The following PALB2 variants were observed in gnomAD, a reference collection of about 807,000 sequenced individuals.
The protein encoded by PALB2 is mutant partner and localizer of BRCA2.
In PALB2, 82 loss-of-function variants were observed where a neutral mutation model predicts 107.4. The ratio of observed to expected loss-of-function variants is 0.76; its 90% CI spans 0.64 to 0.92. The LOEUF is 0.92. Ranked by LOEUF, PALB2 falls within the 40% of genes least tolerant of loss-of-function variation. PALB2 has a pLI of 0.00. For missense variants in PALB2, 1,374 were observed against 1,379.9 expected, an observed-to-expected ratio of 1.00 and a Z score of 0.07; for synonymous variants, 489 against 496.8, an observed-to-expected ratio of 0.98 and a Z score of 0.21.
At position 23,635,956 on chromosome 16, in the gene PALB2, G is replaced by A. The variant is rs367945485; in HGVS notation, c.590C>T (p.Thr197Ile). 1 of 1,614,018 alleles carries A rather than the reference G, an allele frequency of 6.2e-7. No homozygotes were observed. The highest frequency in any genetic ancestry group is 1.3e-5 in the African/African-American group (1 of 74,916). Reference protein sequence around the residue: ...PARSPVTEIRTHLLSLKSELP... With the variant: ...PARSPVTEIRIHLLSLKSELP... ...TTCAGATTTAAGACTTAAAAGGTGA[G>A]TTCTTATTTCAGTTACTGGTGATCT... The change falls in exon 4 of 13, where the codon ACT becomes ATT. Residue 197 changes from threonine to isoleucine, a missense_variant. By Grantham distance (89) the Thr-to-Ile change is moderately conservative. Coordinates refer to ENST00000261584, the MANE Select transcript of PALB2 (RefSeq NM_024675.4).
In PALB2 at chr16:23,630,246, C is replaced by T. The variant is rs1392612467; in HGVS notation, c.1908G>A (p.Glu636=). The T allele has an allele frequency of 6.2e-7, 1 of 1,614,038 alleles. No homozygotes were observed. ...CTCCAAACATTTTTGACTCAAAGGG[C>T]TCCACTGGTTTTTCTGAGCAGGACT... ...KVKSCSEKPV[E]PFESKMFGER... The change falls in exon 5 of 13, where the codon GAG becomes GAA. Residue 636 remains glutamate, a synonymous_variant. Transcript: ENST00000261584.
intron 6 of PALB2, among the ~76,000 whole-genome samples, chr16:23,628,743 C>T (rs1312824506): frequency 1.3e-5 from 2 of 152,200 alleles, no homozygotes; most frequent in Non-Finnish European, 2.9e-5. Context: ...CAAGTATTCT[C>T]TTCCCTCAGC....
At chr16:23,626,130 C>T in intron 7 of PALB2, 106 bp downstream of exon 7, 3 of 1,307,394 alleles carry the variant, frequency 2.3e-6, no homozygotes, top group Non-Finnish European at 1.1e-6. Flanking sequence ...AACCTCATCT[C>T]TGTTCTGCCT....
At chr16:23,632,331 C>T (rs545601750) in intron 4 of PALB2, among the ~76,000 whole-genome samples, 2 of 152,182 alleles carry the variant, frequency 1.3e-5, no homozygotes, top group South Asian at 2.1e-4. Context: ...GTAATCTCAG[C>T]TACTCAGGAG....
At position 23,629,632 on chromosome 16, in the gene PALB2, G is replaced by A. The variant is rs1060504706; in HGVS notation, c.2514+8C>T. 5.0e-6 allele frequency: 8 copies of A among 1,612,526 alleles called. No homozygotes were observed. Among genetic ancestry groups the A allele is most frequent in the African/African-American group, 1.3e-5 (1 of 74,904 alleles). On this transcript the variant is annotated splice_region_variant and intron_variant, in intron 5 of 12. Coordinates refer to ENST00000261584, the MANE Select transcript of PALB2 (RefSeq NM_024675.4). ...CAGAGAAAATTTCACAGAGGAAATG[G>A]ATTGTACCTGTTCGACGGAATGTTT...
chr16:23,608,122 C>G, intron 11 of PALB2, 110 bp from the exon 12 acceptor site: 1 of 1,179,136 alleles, frequency 8.5e-7, no homozygotes, highest in South Asian at 1.3e-5. Flanking sequence ...GACCGATAGG[C>G]TCTGAAGTAT....
chr16:23,636,375 T>C, intron 3 of PALB2, 41 bp from the exon 4 acceptor site: 3 of 1,362,558 alleles, frequency 2.2e-6, no homozygotes, highest in African/African-American at 1.5e-5. Context: ...ATTTTTCTTA[T>C]AAAATAAAAC....
Position 23,608,038 on chromosome 16 carries a change from C to A in PALB2, c.3202-26G>T, listed in dbSNP as rs750715056. On this transcript the variant is annotated intron_variant, in intron 11 of 12. Coordinates refer to ENST00000261584, the MANE Select transcript of PALB2 (RefSeq NM_024675.4). The stretch of plus-strand genomic sequence containing the variant: ...CTAATTTCGGAGAAAAATAAATATC[C>A]CAAATAGACTGTCAAGAGTATGTCA... 3 of 1,606,632 alleles carry A rather than the reference C, an allele frequency of 1.9e-6. No individual in the cohort carries two copies. In the East Asian group the frequency reaches 6.7e-5, roughly 36 times the overall value.
At chr16:23,631,701 G>A (rs1966879415) in intron 4 of PALB2, among the ~76,000 whole-genome samples, 3 of 152,148 alleles carry the variant, frequency 2.0e-5, no homozygotes, top group Non-Finnish European at 4.4e-5. Context: ...TCTCATAAGG[G>A]AAATGAACTA....
In PALB2 at chr16:23,621,490, A is replaced by G; in HGVS notation, c.2997-12T>C. On this transcript the variant is annotated splice_polypyrimidine_tract_variant and intron_variant, in intron 9 of 12. Transcript: ENST00000261584. Reference sequence around the variant, plus strand: ...GGTTTTCTTTGCCTCTGTAATTAAAACAGTATGAAAAGTCAGTACTTTGCA... The same window carrying G: ...GGTTTTCTTTGCCTCTGTAATTAAAGCAGTATGAAAAGTCAGTACTTTGCA... 1 of 1,552,226 alleles carries G rather than the reference A, an allele frequency of 6.4e-7. No individual in the cohort carries two copies. The highest frequency in any genetic ancestry group is 1.1e-5 in the South Asian group (1 of 89,734).
At chr16:23,610,988 G>A (rs1016994059) in intron 11 of PALB2, among the ~76,000 whole-genome samples, 6 of 151,738 alleles carry the variant, frequency 4.0e-5, no homozygotes, top group African/African-American at 9.7e-5. Context: ...GCAGTGAGCC[G>A]ACATCACACC....
intron 9 of PALB2, among the ~76,000 whole-genome samples, chr16:23,622,353 G>A (rs891579396): frequency 3.9e-5 from 6 of 151,924 alleles, no homozygotes; most frequent in African/African-American, 1.5e-4. Flanking sequence ...AAAGGGTCTA[G>A]GACCTTAAGG....
At chr16:23,626,098 C>G in intron 7 of PALB2, 138 bp downstream of exon 7, 2 of 1,003,964 alleles carry the variant, frequency 2.0e-6, no homozygotes, top group South Asian at 2.8e-5. Flanking sequence ...TGAAACTTTT[C>G]ATAATAAAAT....
Position 23,635,536 on chromosome 16 carries a change from A to C in PALB2, c.1010T>G (p.Leu337Ter), listed in dbSNP as rs45494092. 1.2e-6 allele frequency: 2 copies of C among 1,613,486 alleles called. No homozygotes were observed. The highest frequency in any genetic ancestry group is 1.7e-6 in the Non-Finnish European group (2 of 1,179,778). The part of the protein sequence containing the change: ...CSLNELTYNN[L>*]PANENQNLKE... ...TAAGTTTTGGTTTTCATTTGCTGGT[A>C]AGTTATTGTAGGTGAGTTCATTTAG... The change falls in exon 4 of 13, where the codon TTA (leucine) becomes TGA (stop). Residue 337 changes from leucine (L) to a stop codon, truncating the protein, a stop_gained. Coordinates refer to ENST00000261584, the MANE Select transcript of PALB2 (RefSeq NM_024675.4). LOFTEE classifies it high-confidence loss of function.
Position 23,629,995 on chromosome 16 carries a change from G to A in PALB2, c.2159C>T (p.Thr720Ile), listed in dbSNP as rs995374537. Residue 720 changes from threonine (T) to isoleucine (I), a missense_variant, in exon 5 of 13, where the codon ACC becomes ATC. Transcript: ENST00000261584. The part of the protein sequence containing the change: ...TVAPDDNDRP[T>I]TDMCSPAFPI... ...GAAAGCAGGTGAACACATGTCTGTG[G>A]TAGGCCTGTCATTATCATCAGGCGC... The A allele has an allele frequency of 6.2e-7, 1 of 1,614,152 alleles. No individual in the cohort carries two copies. The highest frequency in any genetic ancestry group is 1.1e-5 in the South Asian group (1 of 91,076).
chr16:23,608,229 T>C (rs1966517922), intron 11 of PALB2, among the ~76,000 whole-genome samples: 1 of 151,902 alleles, frequency 6.6e-6, no homozygotes, highest in South Asian at 2.1e-4. Flanking sequence ...TCTTCTTCTT[T>C]TTTTTTTTAG....
At chr16:23,625,951 A>G (rs1966841784) in intron 7 of PALB2, among the ~76,000 whole-genome samples, 1 of 152,204 alleles carries the variant, frequency 6.6e-6, no homozygotes, top group African/African-American at 2.4e-5. Flanking sequence ...ACTGCACTCC[A>G]GCCTGCATGA....
intron 4 of PALB2, among the ~76,000 whole-genome samples, chr16:23,633,205 A>C (rs572718233): frequency 1.4e-4 from 22 of 152,348 alleles, no homozygotes; most frequent in Non-Finnish European, 3.1e-4. Context: ...GAAAAGTCAC[A>C]ATTATTATTT....
chr16:23,604,855 C>T (rs1025288697), intron 12 of PALB2, among the ~76,000 whole-genome samples: 3 of 152,030 alleles, frequency 2.0e-5, no homozygotes, highest in Non-Finnish European at 2.9e-5. Context: ...AGGCAGATCA[C>T]CTGAGGTAAG....
Sources: allele counts gnomAD v4.1 joint callset (sites outside exome capture counted in the v4.1 genomes callset), GRCh38; gene constraint gnomAD v4.1.1; transcripts MANE v1.5; gene names NCBI Gene and HGNC (gene_info 2026-07-23, HGNC 2026-07-21).